The following HELZ variants were observed in gnomAD, a reference collection of about 807,000 sequenced individuals.
HELZ encodes ATP-dependent RNA helicase with zinc finger domain.
HELZ carries 23 observed loss-of-function variants against 218.2 expected under a neutral mutation model. The ratio of observed to expected loss-of-function variants is 0.11; its 90% CI spans 0.08 to 0.15. The LOEUF (loss-of-function observed/expected upper bound fraction) is 0.15. Among genes scored for constraint, HELZ ranks in the 10% least tolerant of loss-of-function variants. HELZ has a pLI of 1.00. For synonymous variants in HELZ, 814 were observed against 829.4 expected (o/e 0.98, Z 0.32); for missense variants, 1,813 against 2,353.7 (o/e 0.77, Z 4.75).
rs201043728 is a variant in HELZ, at chr17:67,107,582, C to T, written c.4828G>A (p.Val1610Ile). The part of the protein sequence containing the change: ...PQSRLLQYRQ[V>I]QSRSPPAVPS... ...ACTGCTGGTGGGCTTCTACTCTGTA[C>T]TTGTCTATATTGCAAAAGTCTTGAT... Residue 1610 changes from valine (V) to isoleucine (I), a missense_variant, in exon 31 of 33, where the codon GTA (valine) becomes ATA (isoleucine). Around this residue, in one of 4 missense-constraint regions of HELZ, gnomAD observed 938 missense variants for 1,027.5 expected, o/e 0.91. Coordinates refer to ENST00000358691, the MANE Select transcript of HELZ (RefSeq NM_014877.4). 8.8e-5 allele frequency: 142 copies of T among 1,614,122 alleles called. 2 individuals carry two copies. In the South Asian group the frequency reaches 1.4e-3, roughly 16 times the overall value.
intron 5 of HELZ, among the ~76,000 whole-genome samples, chr17:67,211,783 C>T (rs1007040085): frequency 1.3e-5 from 2 of 152,018 alleles, no homozygotes; most frequent in Non-Finnish European, 2.9e-5. Flanking sequence ...ATTGCTTGAG[C>T]CCGTAAGGCA....
At chr17:67,236,293 G>C (rs756651388) in intron 3 of HELZ, among the ~76,000 whole-genome samples, 25 of 152,084 alleles carry the variant, frequency 1.6e-4, no homozygotes, top group Non-Finnish European at 2.9e-4. Context: ...ACTACTTATG[G>C]TAAAACAGGT....
chr17:67,213,490 C>T lies in HELZ; in HGVS notation c.247+2409G>A, dbSNP rs547981686. Reference sequence around the variant, plus strand: ...TACAAAAATTAGCCGGGCATGTTGGCGCATGCCTGCAGTCCCAGCTACTCA... The same window carrying T: ...TACAAAAATTAGCCGGGCATGTTGGTGCATGCCTGCAGTCCCAGCTACTCA... On this transcript the variant is annotated intron_variant, in intron 5 of 32. Coordinates refer to ENST00000358691, the MANE Select transcript of HELZ (RefSeq NM_014877.4). 3.9e-4 allele frequency among the ~76,000 whole-genome samples: 60 copies of T among 152,066 alleles called. No individual in the cohort carries two copies. The South Asian group carries it at 0.011, about 29-fold the overall frequency.
chr17:67,115,805 T>C (rs2037407216), intron 27 of HELZ, among the ~76,000 whole-genome samples: 1 of 152,054 alleles, frequency 6.6e-6, no homozygotes, highest in Non-Finnish European at 1.5e-5. Flanking sequence ...ATACAACAAA[T>C]ATTTTTAAAA....
chr17:67,191,065 GT>G (rs1567877596), intron 9 of HELZ, among the ~76,000 whole-genome samples: 7,691 of 152,010 alleles, frequency 0.051, 658 homozygotes, highest in African/African-American at 0.18. Flanking sequence ...TCACACACAG[GT>G]ATACCCTACT....
At chr17:67,221,459 G>A (rs919275652) in intron 3 of HELZ, among the ~76,000 whole-genome samples, 1 of 152,144 alleles carries the variant, frequency 6.6e-6, no homozygotes, top group Non-Finnish European at 1.5e-5. Flanking sequence ...CCCACATCCA[G>A]ACCAATAATA....
chr17:67,108,517 C>T lies in HELZ; in HGVS notation c.4699G>A (p.Asp1567Asn). Reference sequence around the variant, plus strand: ...CTTGAGTATGTGGTCTCCACTTCATCTTCGGCACTGCTGGTGAGCTTCCAG... The same window carrying T: ...CTTGAGTATGTGGTCTCCACTTCATTTTCGGCACTGCTGGTGAGCTTCCAG... ...ADWKLTSSAEDEVETTYSRFQ... is the reference protein window; with the variant it reads ...ADWKLTSSAENEVETTYSRFQ... Residue 1567 changes from aspartate (D) to asparagine (N), a missense_variant, in exon 30 of 33, where the codon GAT becomes AAT. This residue lies in a region of HELZ where 938 missense variants were observed against 1,027.5 expected (regional missense o/e 0.91). Coordinates refer to ENST00000358691, the MANE Select transcript of HELZ (RefSeq NM_014877.4). The surrounding 1 kb of genome is among the most constrained non-coding windows in gnomAD (Gnocchi z 4.1). The T allele has an allele frequency of 6.2e-7, 1 of 1,614,122 alleles. No homozygotes were observed. Among genetic ancestry groups the T allele is most frequent in the Non-Finnish European group, 8.5e-7 (1 of 1,180,000 alleles).
intron 21 of HELZ, among the ~76,000 whole-genome samples, chr17:67,141,512 C>CT (rs1424379066): frequency 6.6e-6 from 1 of 151,718 alleles, no homozygotes; most frequent in Non-Finnish European, 1.5e-5. Context: ...AGGTTGATCT[C>CT]CTGTGTCTTC....
chr17:67,084,536 G>T (rs969305969), intron 32 of HELZ, among the ~76,000 whole-genome samples: 4 of 151,946 alleles, frequency 2.6e-5, no homozygotes, highest in African/African-American at 7.2e-5. Flanking sequence ...GGTGGCGGGC[G>T]CCTGTAGTCC....
chr17:67,135,384 A>T (rs1043721623), intron 23 of HELZ, among the ~76,000 whole-genome samples: 2 of 152,182 alleles, frequency 1.3e-5, no homozygotes, highest in Admixed American at 1.3e-4. Flanking sequence ...AAACACATGC[A>T]TGAAACCAGC....
chr17:67,070,517 T>C lies in HELZ; in HGVS notation c.*7735A>G, dbSNP rs761976211. On this transcript the variant is annotated 3_prime_UTR_variant, in exon 33 of 33. Transcript: ENST00000358691. ...AATACATTTTGTTACCATGAATCTT[T>C]GAAAACAAAAGAACTTCACTGAGAC... is the stretch of plus-strand genomic sequence containing the variant. 6.6e-6 allele frequency: 1 copy of C among 152,210 alleles called. No individual in the cohort carries two copies. The highest frequency in any genetic ancestry group is 1.5e-5 in the Non-Finnish European group (1 of 68,028). The allele number at this position is 152,210 out of a possible 1,614,324, so 9.4% of individuals were successfully genotyped here.
At position 67,109,242 on chromosome 17, in the gene HELZ, G is replaced by A. The variant is rs1209951635; in HGVS notation, c.4363C>T (p.Pro1455Ser). ...CTGTGGCCTTCTTGCAGCATGGGAG[G>A]GGGCTGCTGCTCCGGAATTACAGCT... is the stretch of plus-strand genomic sequence containing the variant. ...AEAVIPEQQP[P>S]PMLQEGHSPL... Residue 1455 changes from proline to serine, a missense_variant, in exon 29 of 33, where the codon CCT becomes TCT. Pro to Ser is a moderately conservative substitution (Grantham distance 74). Coordinates refer to ENST00000358691, the MANE Select transcript of HELZ (RefSeq NM_014877.4). 6.2e-7 allele frequency: 1 copy of A among 1,614,106 alleles called. No homozygotes were observed. The highest frequency in any genetic ancestry group is 1.7e-5 in the Admixed American group (1 of 60,020).
At chr17:67,229,121 T>G (rs2040971165) in intron 3 of HELZ, among the ~76,000 whole-genome samples, 1 of 152,166 alleles carries the variant, frequency 6.6e-6, no homozygotes, top group Non-Finnish European at 1.5e-5. Context: ...GTGGCTAAAG[T>G]GTATCATGCT....
chr17:67,175,049 CACA>C (rs913122764), intron 13 of HELZ, among the ~76,000 whole-genome samples: 27 of 152,162 alleles, frequency 1.8e-4, no homozygotes, highest in African/African-American at 6.5e-4. Flanking sequence ...GGTCTCAAAC[CACA>C]ACAAAACATT....
chr17:67,130,103 A>G (rs1271137819), intron 23 of HELZ, among the ~76,000 whole-genome samples: 1 of 152,168 alleles, frequency 6.6e-6, no homozygotes, highest in Non-Finnish European at 1.5e-5. Context: ...CTTCTCTTAC[A>G]TATGCCTTAT....
intron 27 of HELZ, among the ~76,000 whole-genome samples, chr17:67,115,876 T>G (rs2037408995): frequency 6.6e-6 from 1 of 151,756 alleles, no homozygotes; most frequent in African/African-American, 2.4e-5. Flanking sequence ...GAAAGAAAAA[T>G]TACTAGAAAT....
At chr17:67,244,069 A>AT in intron 1 of HELZ, 1 of 779,282 alleles carries the variant, frequency 1.3e-6, no homozygotes, top group Non-Finnish European at 1.6e-6. Flanking sequence ...CAAAAACATA[A>AT]TAAAATCATC....
chr17:67,149,593 T>C (rs2038611510), intron 19 of HELZ, among the ~76,000 whole-genome samples: 2 of 151,954 alleles, frequency 1.3e-5, no homozygotes, highest in Admixed American at 1.3e-4. Context: ...CAAAAAAAAG[T>C]AAGAATCAGA....
chr17:67,096,721 G>C (rs935275085), intron 31 of HELZ, among the ~76,000 whole-genome samples: 1 of 152,228 alleles, frequency 6.6e-6, no homozygotes, highest in Non-Finnish European at 1.5e-5. Context: ...TCTGGATTAC[G>C]CTTTGGCTTA....
Sources: allele counts gnomAD v4.1 joint callset (sites outside exome capture counted in the v4.1 genomes callset), GRCh38; gene constraint gnomAD v4.1.1; regional missense constraint gnomAD v4.1.1; non-coding constraint Gnocchi (gnomAD v3.1); transcripts MANE v1.5; gene names NCBI Gene and HGNC (gene_info 2026-07-23, HGNC 2026-07-21).